Variants in GBF1 observed in about 807,000 individuals in gnomAD.
The protein encoded by GBF1 is golgi brefeldin A resistant guanine nucleotide exchange factor 1.
Under a neutral mutation model 210.5 loss-of-function variants are expected in GBF1, and 114 were observed. The observed-to-expected ratio is 0.54, with a 90% CI of 0.47 to 0.63. The LOEUF (loss-of-function observed/expected upper bound fraction) is 0.63, where lower values mean the gene tolerates loss of function less well. Ranked by LOEUF, GBF1 falls within the 30% of genes least tolerant of loss-of-function variation. The probability of loss-of-function intolerance (pLI) is 0.00; values close to 1 mark genes in which losing one functional copy is unlikely to be tolerated. For synonymous variants in GBF1, 850 were observed against 889.2 expected (o/e 0.96, Z 0.78); for missense variants, 1,851 against 2,357.7 (o/e 0.79, Z 4.45).
Position 102,362,673 on chromosome 10 carries a change from C to A in GBF1, c.1876+9C>A. ...CCGAGAAGCTAGCAATAGTGAGAGGCATTTCTTTCTTTGATGAACCCAGTG... is the reference window on the plus strand; with the variant it reads ...CCGAGAAGCTAGCAATAGTGAGAGGAATTTCTTTCTTTGATGAACCCAGTG... On this transcript the variant is annotated intron_variant, in intron 15 of 39. Coordinates refer to ENST00000369983, the MANE Select transcript of GBF1 (RefSeq NM_001377137.1). 6.2e-7 allele frequency: 1 copy of A among 1,607,180 alleles called. No individual in the cohort carries two copies. The highest frequency in any genetic ancestry group is 8.5e-7 in the Non-Finnish European group (1 of 1,173,852).
intron 3 of GBF1, among the ~76,000 whole-genome samples, chr10:102,340,508 T>C (rs962133631): frequency 1.3e-5 from 2 of 149,688 alleles, no homozygotes; most frequent in Admixed American, 1.3e-4. Flanking sequence ...CTCCTGACCT[T>C]GTGATCCGCC....
In GBF1 at chr10:102,363,273, G is replaced by A. The variant is rs1441106255; in HGVS notation, c.1894G>A (p.Asp632Asn). 1.1e-5 allele frequency: 17 copies of A among 1,612,812 alleles called. No individual in the cohort carries two copies. Among genetic ancestry groups the A allele is most frequent in the African/African-American group, 2.7e-5 (2 of 74,882 alleles). ...CTTACCAGCTGAGAGAACTGCCAGCGATGGGAAAGCTGTAGGCATGGCCTC... is the reference window on the plus strand; with the variant it reads ...CTTACCAGCTGAGAGAACTGCCAGCAATGGGAAAGCTGTAGGCATGGCCTC... The part of the protein sequence containing the change: ...EASNTERTAS[D>N]GKAVGMASDI... Residue 632 changes from aspartate to asparagine, a missense_variant, in exon 16 of 40, where the codon GAT (aspartate) becomes AAT (asparagine). Asp to Asn is a conservative substitution (Grantham distance 23). Around this residue, in one of 3 missense-constraint regions of GBF1, gnomAD observed 804 missense variants for 958.6 expected, o/e 0.84. Transcript: ENST00000369983. The surrounding 1 kb of genome is among the most constrained non-coding windows in gnomAD (Gnocchi z 4.2).
At chr10:102,358,855 C>A (rs1235739097) in intron 10 of GBF1, 126 bp downstream of exon 10, 1 of 646,864 alleles carries the variant, frequency 1.5e-6, no homozygotes, top group Non-Finnish European at 2.7e-6. Flanking sequence ...AAGCTCTGAT[C>A]TTTCCTGCTT....
chr10:102,282,078 C>G (rs1486932324), intron 3 of GBF1, among the ~76,000 whole-genome samples: 1 of 149,644 alleles, frequency 6.7e-6, no homozygotes, highest in Non-Finnish European at 1.5e-5. Flanking sequence ...AGGCGCCCAC[C>G]ACCACACCCG....
chr10:102,333,693 C>T (rs532596540), intron 3 of GBF1, among the ~76,000 whole-genome samples: 2 of 152,224 alleles, frequency 1.3e-5, no homozygotes, highest in South Asian at 4.1e-4. Context: ...TCCCAAAGTG[C>T]TGGGATTACA....
intron 3 of GBF1, among the ~76,000 whole-genome samples, chr10:102,280,300 C>G (rs2075371078): frequency 6.6e-6 from 1 of 152,120 alleles, no homozygotes; most frequent in Non-Finnish European, 1.5e-5. Context: ...TCAGCTCTAA[C>G]ATTTACCTTT....
At position 102,370,431 on chromosome 10, in the gene GBF1, T is replaced by C; in HGVS notation, c.3459T>C (p.Asp1153=). 1 of 1,613,660 alleles carries C rather than the reference T, an allele frequency of 6.2e-7. No homozygotes were observed. Among genetic ancestry groups the C allele is most frequent in the Non-Finnish European group, 8.5e-7 (1 of 1,179,506 alleles). ...TPDEETYDEE[D]AAFCLEMLLR... ...ATGAAGAGACATATGATGAGGAAGATGCTGCTTTCTGCCTAGAGATGCTGC... is the reference window on the plus strand; with the variant it reads ...ATGAAGAGACATATGATGAGGAAGACGCTGCTTTCTGCCTAGAGATGCTGC... The change falls in exon 28 of 40, where the codon GAT becomes GAC. Residue 1153 remains aspartate, a synonymous_variant. Transcript: ENST00000369983.
intron 29 of GBF1, among the ~76,000 whole-genome samples, chr10:102,373,121 A>C (rs2060301035): frequency 6.6e-6 from 1 of 152,234 alleles, no homozygotes; most frequent in South Asian, 2.1e-4. Flanking sequence ...TATTTGAAGA[A>C]AGGTATCTGT....
intron 1 of GBF1, among the ~76,000 whole-genome samples, chr10:102,258,150 ATTTTT>A (rs60505807): frequency 6.2e-5 from 6 of 96,932 alleles, no homozygotes; most frequent in Admixed American, 2.3e-4. Flanking sequence ...AGTATTACAG[ATTTTT>A]TTTTTTTTTT....
Position 102,377,063 on chromosome 10 carries a change from G to C in GBF1, c.4417G>C (p.Gly1473Arg). The C allele has an allele frequency of 6.2e-7, 1 of 1,614,182 alleles. No homozygotes were observed. Among genetic ancestry groups the C allele is most frequent in the Non-Finnish European group, 8.5e-7 (1 of 1,180,026 alleles). Residue 1473 changes from glycine to arginine, a missense_variant, in exon 33 of 40, where the codon GGC (glycine) becomes CGC (arginine). Around this residue, in one of 3 missense-constraint regions of GBF1, gnomAD observed 967 missense variants for 1,247.7 expected, o/e 0.78. Coordinates refer to ENST00000369983, the MANE Select transcript of GBF1 (RefSeq NM_001377137.1). ...AACCTCCAGCCAACATGCCTCTCGG[G>C]GCGGGCAGAGTGATGATGATGAGGA... The part of the protein sequence containing the change: ...PRTSSQHASR[G>R]GQSDDDEDEG...
At chr10:102,276,986 A>G (rs962495589) in intron 3 of GBF1, among the ~76,000 whole-genome samples, 4 of 152,062 alleles carry the variant, frequency 2.6e-5, no homozygotes, top group African/African-American at 9.7e-5. Flanking sequence ...ACACACACAC[A>G]CACACATGCA....
chr10:102,305,681 G>C (rs1044224044), intron 3 of GBF1, among the ~76,000 whole-genome samples: 1 of 151,928 alleles, frequency 6.6e-6, no homozygotes, highest in South Asian at 2.1e-4. Flanking sequence ...CGTTCTTGTC[G>C]CCCAGGCTGG....
chr10:102,287,130 T>C (rs2076015830), intron 3 of GBF1, among the ~76,000 whole-genome samples: 1 of 152,098 alleles, frequency 6.6e-6, no homozygotes, highest in Admixed American at 6.6e-5. Context: ...TCTCAACCAG[T>C]AGATGAAATA....
chr10:102,246,714 T>A (rs955179425), intron 1 of GBF1, among the ~76,000 whole-genome samples: 4 of 152,250 alleles, frequency 2.6e-5, no homozygotes, highest in Admixed American at 2.0e-4. Flanking sequence ...GGCACTGTGA[T>A]GACCTTTGAT....
the GBF1 span, chr10:102,231,480 T>A: frequency 1.0e-4 from 73 of 704,762 alleles, no homozygotes; most frequent in East Asian, 1.8e-3. Flanking sequence ...GGGTCCGGGG[T>A]CCGGGGTCCG....
intron 3 of GBF1, among the ~76,000 whole-genome samples, chr10:102,319,687 T>C (rs938210230): frequency 6.6e-6 from 1 of 151,802 alleles, no homozygotes; most frequent in Non-Finnish European, 1.5e-5. Context: ...TTCTTGTTTA[T>C]GCTATGTCCA....
intron 11 of GBF1, among the ~76,000 whole-genome samples, chr10:102,359,693 A>G (rs1395227195): frequency 6.6e-6 from 1 of 151,996 alleles, no homozygotes; most frequent in Non-Finnish European, 1.5e-5. Flanking sequence ...GACTTTTAAC[A>G]GAAAGGTAGG....
At chr10:102,311,265 G>A (rs1017067244) in intron 3 of GBF1, among the ~76,000 whole-genome samples, 1 of 152,210 alleles carries the variant, frequency 6.6e-6, no homozygotes, top group Admixed American at 6.5e-5. Context: ...TCTGTTTAAT[G>A]TCCTTAGTTG....
In GBF1 at chr10:102,366,973, C is replaced by A; in HGVS notation, c.2434-112C>A. 2 of 1,179,308 alleles carry A rather than the reference C, an allele frequency of 1.7e-6. No individual in the cohort carries two copies. Among genetic ancestry groups the A allele is most frequent in the Non-Finnish European group, 2.4e-6 (2 of 823,466 alleles). 73.1% of individuals were successfully genotyped at this position (1,179,308 alleles called of 1,614,324 possible). A position where few individuals can be genotyped will look rare whatever the true frequency, so the allele number is the denominator to read the frequency against. ...GTTAAGGAGTTGGCAAGAGACTGGCCACTTTCTGGATGGTACCTCTCCTCT... is the reference window on the plus strand; with the variant it reads ...GTTAAGGAGTTGGCAAGAGACTGGCAACTTTCTGGATGGTACCTCTCCTCT... On this transcript the variant is annotated intron_variant, in intron 19 of 39. Transcript: ENST00000369983. This position sits in a 1 kb window ranked among gnomAD's most constrained non-coding sequence, Gnocchi z 4.0.
Sources: gnomAD v4.1 joint callset for allele counts (sites outside exome capture counted in the v4.1 genomes callset) on GRCh38, gnomAD v4.1.1 for gene constraint, gnomAD v4.1.1 regional missense constraint, Gnocchi (gnomAD v3.1) non-coding constraint, MANE v1.5 for transcripts, NCBI Gene and HGNC (gene_info 2026-07-23, HGNC 2026-07-21) for gene names.